The following GATA5 variants were observed in gnomAD, a reference collection of about 807,000 sequenced individuals.
GATA5 encodes transcription factor GATA-5.
GATA5 carries 27 observed loss-of-function variants against 35.0 expected under a neutral mutation model. The ratio of observed to expected loss-of-function variants is 0.77; its 90% CI spans 0.57 to 1.06. The LOEUF (loss-of-function observed/expected upper bound fraction) is 1.06, where lower values mean the gene tolerates loss of function less well. Among genes scored for constraint, GATA5 ranks in the 50% least tolerant of loss-of-function variants. The pLI is 0.00. For synonymous variants in GATA5, 306 were observed against 267.8 expected, an observed-to-expected ratio of 1.14 and a Z score of -1.39; for missense variants, 612 against 580.0, an observed-to-expected ratio of 1.06 and a Z score of -0.57.
chr20:62,474,385 C>A (rs1989800378), intron 2 of GATA5, among the ~76,000 whole-genome samples: 1 of 152,246 alleles, frequency 6.6e-6, no homozygotes, highest in South Asian at 2.1e-4. Context: ...CCGCTGCGCC[C>A]GCTTCCTGCG....
chr20:62,470,696 G>C lies in GATA5; in HGVS notation c.699+2707C>G, dbSNP rs782008677. On this transcript the variant is annotated intron_variant, in intron 3 of 6. Transcript: ENST00000252997. The surrounding 1 kb of genome is among the most constrained non-coding windows in gnomAD (Gnocchi z 4.6). ...CTCAGGGCTAGGAGGTCTGCTGTCC[G>C]CACTGCCCTTGGCTGCCGGGCCCCA... Among the ~76,000 whole-genome samples, 2 of 152,166 alleles carry C rather than the reference G, an allele frequency of 1.3e-5. No individual in the cohort carries two copies. The highest frequency in any genetic ancestry group is 2.9e-5 in the Non-Finnish European group (2 of 68,032).
intron 3 of GATA5, 130 bp downstream of exon 3, chr20:62,473,273 G>T: frequency 1.0e-6 from 1 of 997,806 alleles, no homozygotes; most frequent in Non-Finnish European, 1.5e-6. Context: ...ACCGGGGCGG[G>T]CACCCAGGCT....
intron 3 of GATA5, among the ~76,000 whole-genome samples, chr20:62,467,073 C>T (rs1030888321): frequency 2.0e-5 from 3 of 152,344 alleles, no homozygotes; most frequent in East Asian, 1.9e-4. Context: ...CTGTGCACTG[C>T]GCCTGGTGGT....
intron 2 of GATA5, 72 bp from the exon 3 acceptor site, chr20:62,473,650 C>T: frequency 7.0e-7 from 1 of 1,433,612 alleles, no homozygotes; most frequent in Non-Finnish European, 9.4e-7. Flanking sequence ...TGGGCCGGCA[C>T]CCTCCCCTCC....
At position 62,475,347 on chromosome 20, in the gene GATA5, C is replaced by T; in HGVS notation, c.175G>A (p.Ala59Thr). 8.0e-7 allele frequency: 1 copy of T among 1,255,674 alleles called. No homozygotes were observed. Among genetic ancestry groups the T allele is most frequent in the Non-Finnish European group, 1.0e-6 (1 of 999,160 alleles). The allele number at this position is 1,255,674 out of a possible 1,614,324, so 77.8% of individuals were successfully genotyped here. A position where few individuals can be genotyped will look rare whatever the true frequency, so the allele number is the denominator to read the frequency against. Residue 59 changes from alanine (A) to threonine (T), a missense_variant, in exon 2 of 7, where the codon GCT (alanine) becomes ACT (threonine). By Grantham distance (58) the Ala-to-Thr change is moderately conservative. Coordinates refer to ENST00000252997, the MANE Select transcript of GATA5 (RefSeq NM_080473.5). ...GTCTGCGCCCAGCCGGGGCGCGCAG[C>T]GAGCTCGGGGGGCTGCGGGCTCGGC... ...CEPSPQPPEL[A>T]ARPGWAQTAT...
chr20:62,468,906 C>A (rs1555896328), intron 3 of GATA5, among the ~76,000 whole-genome samples: 1 of 152,244 alleles, frequency 6.6e-6, no homozygotes, highest in Admixed American at 6.5e-5. Flanking sequence ...TCACCCAGGG[C>A]CCCCAGATGG....
chr20:62,465,398 G>C lies in GATA5; in HGVS notation c.980C>G (p.Ser327Trp). Residue 327 changes from serine (S) to tryptophan (W), a missense_variant, in exon 6 of 7, where the codon TCG becomes TGG. Ser to Trp is a radical substitution (Grantham distance 177, BLOSUM62 -3). Transcript: ENST00000252997. ...GGACGCCAGGCTGGGCTTGGCTTTC[G>C]AAGTGGCTGCTGAGCTGTCAGTGCT... ...VASTDSSAAT[S>W]KAKPSLASPV... 1 of 1,607,472 alleles carries C rather than the reference G, an allele frequency of 6.2e-7. No homozygotes were observed. Among genetic ancestry groups the C allele is most frequent in the South Asian group, 1.1e-5 (1 of 91,044 alleles).
rs1989820122 is a variant in GATA5 at position 62,475,087 on chromosome 20, G to A, written c.435C>T (p.Tyr145=). 1.4e-6 allele frequency: 2 copies of A among 1,404,858 alleles called. No homozygotes were observed. The highest frequency in any genetic ancestry group is 1.9e-6 in the Non-Finnish European group (2 of 1,075,436). The allele number at this position is 1,404,858 out of a possible 1,614,324, so 87.0% of individuals were successfully genotyped here. The stretch of plus-strand genomic sequence containing the variant: ...AGGACTGGGCCACGTCGGGGCTCAC[G>A]TAGGCCGGGTAGGTGGCGGAGTACG... The part of the protein sequence containing the change: ...GTSYSATYPA[Y]VSPDVAQSWT... The change falls in exon 2 of 7, where the codon TAC becomes TAT. Residue 145 remains tyrosine (Y), a synonymous_variant. Coordinates refer to ENST00000252997, the MANE Select transcript of GATA5 (RefSeq NM_080473.5).
chr20:62,470,329 T>A lies in GATA5; in HGVS notation c.699+3074A>T, dbSNP rs1989692577. 6.6e-6 allele frequency among the ~76,000 whole-genome samples: 1 copy of A among 152,174 alleles called. No homozygotes were observed. Among genetic ancestry groups the A allele is most frequent in the Non-Finnish European group, 1.5e-5 (1 of 68,026 alleles). On this transcript the variant is annotated intron_variant, in intron 3 of 6. Transcript: ENST00000252997. The surrounding 1 kb of genome is among the most constrained non-coding windows in gnomAD (Gnocchi z 4.6). The stretch of plus-strand genomic sequence containing the variant: ...CACAGTGACCCGCAGTGCAGCAGCC[T>A]CCTCTGAGATGGAAGACTGGGCCGT...
chr20:62,468,495 C>T (rs1989647745), intron 3 of GATA5, among the ~76,000 whole-genome samples: 1 of 152,256 alleles, frequency 6.6e-6, no homozygotes, highest in South Asian at 2.1e-4. Context: ...CTCAAGGCCC[C>T]CTCAACCCCC....
rs1989685343 is a variant in GATA5 at position 62,470,024 on chromosome 20, C to A, written c.699+3379G>T. On this transcript the variant is annotated intron_variant, in intron 3 of 6. Coordinates refer to ENST00000252997, the MANE Select transcript of GATA5 (RefSeq NM_080473.5). This position sits in a 1 kb window ranked among gnomAD's most constrained non-coding sequence, Gnocchi z 4.6. ...AGCCTGGCCACACTCAGCACCCTGC[C>A]CCCCAGGCCTCTCTCCCGGCTGCAT... Among the ~76,000 whole-genome samples the A allele has an allele frequency of 6.6e-6, 1 of 152,246 alleles. No individual in the cohort carries two copies. The highest frequency in any genetic ancestry group is 1.5e-5 in the Non-Finnish European group (1 of 68,046).
At position 62,475,196 on chromosome 20, in the gene GATA5, C is replaced by T; in HGVS notation, c.326G>A (p.Gly109Glu). Residue 109 changes from glycine to glutamate, a missense_variant, in exon 2 of 7, where the codon GGG becomes GAG. Coordinates refer to ENST00000252997, the MANE Select transcript of GATA5 (RefSeq NM_080473.5). ...CTGGTAGGCACTGCCGTCTCGGCCC[C>T]CCGCGCTGCCGCCGCTGCCGGGCCC... ...PSGPGSGGSA[G>E]GRDGSAYQGA... 2 of 1,261,740 alleles carry T rather than the reference C, an allele frequency of 1.6e-6. No individual in the cohort carries two copies. Among genetic ancestry groups the T allele is most frequent in the Non-Finnish European group, 2.0e-6 (2 of 1,001,622 alleles). 78.2% of individuals were successfully genotyped at this position (1,261,740 alleles called of 1,614,324 possible). A position where few individuals can be genotyped will look rare whatever the true frequency, so the allele number is the denominator to read the frequency against.
rs1473182156 is a variant in GATA5 at position 62,465,445 on chromosome 20, C to T, written c.933G>A (p.Ser311=). 1.9e-5 allele frequency: 31 copies of T among 1,608,532 alleles called. No homozygotes were observed. The highest frequency in any genetic ancestry group is 2.4e-5 in the Non-Finnish European group (28 of 1,179,618). The change falls in exon 6 of 7, where the codon TCG becomes TCA. Residue 311 remains serine, a synonymous_variant. Coordinates refer to ENST00000252997, the MANE Select transcript of GATA5 (RefSeq NM_080473.5). ...TGCTGGCGACAGCAGATGGGGAGGC[C>T]GAGGCATTCCTTGTGGATCCTGGAA... The part of the protein sequence containing the change: ...RGSSGSTRNA[S]ASPSAVASTD...
At chr20:62,474,210 G>C (rs1555896874) in intron 2 of GATA5, among the ~76,000 whole-genome samples, 1 of 152,222 alleles carries the variant, frequency 6.6e-6, no homozygotes, top group Non-Finnish European at 1.5e-5. Context: ...CTGTGCGGCT[G>C]GGGGTGGAGG....
At chr20:62,471,417 T>G (rs1366785147) in intron 3 of GATA5, among the ~76,000 whole-genome samples, 1 of 149,252 alleles carries the variant, frequency 6.7e-6, no homozygotes, top group African/African-American at 2.5e-5. Flanking sequence ...TAAAGAGAAG[T>G]TAATTTCAAT....
intron 3 of GATA5, among the ~76,000 whole-genome samples, chr20:62,468,356 C>T (rs1555896282): frequency 1.3e-5 from 2 of 152,390 alleles, no homozygotes; most frequent in East Asian, 3.8e-4. Flanking sequence ...AGATGAGGGC[C>T]GGCCTTGCTG....
rs781869793 is a variant in GATA5 at position 62,475,392 on chromosome 20, A to G, written c.130T>C (p.Ser44Pro). The G allele has an allele frequency of 5.9e-5, 80 of 1,350,502 alleles. No individual in the cohort carries two copies. The highest frequency in any genetic ancestry group is 7.5e-5 in the Non-Finnish European group (79 of 1,050,622). 83.7% of individuals were successfully genotyped at this position (1,350,502 alleles called of 1,614,324 possible). Residue 44 changes from serine to proline, a missense_variant, in exon 2 of 7, where the codon TCC becomes CCC. Physicochemically the swap from Ser to Pro is moderately conservative, Grantham distance 74 (BLOSUM62 -1). Coordinates refer to ENST00000252997, the MANE Select transcript of GATA5 (RefSeq NM_080473.5). ...VPPARVPSML[S>P]YLSGCEPSPQ... Reference sequence around the variant, plus strand: ...CTCGGCTCACACCCGGACAGGTAGGACAGCATCGAGGGGACGCGCGCCGGC... The same window carrying G: ...CTCGGCTCACACCCGGACAGGTAGGGCAGCATCGAGGGGACGCGCGCCGGC...
Position 62,466,547 on chromosome 20 carries a change from G to T in GATA5, c.704C>A (p.Ser235Ter). Reference protein sequence around the residue: ...PLVRPQKRLSSSRRAGLCCTN... With the variant: ...PLVRPQKRLS ...GCAGCAGAGGCCGGCGCGGCGGGAC[G>T]AGGACTGTGGGGGCGAGGGAGACTG... Residue 235 changes from serine (S) to a stop codon, truncating the protein, a stop_gained, in exon 4 of 7, where the codon TCG becomes TAG. Coordinates refer to ENST00000252997, the MANE Select transcript of GATA5 (RefSeq NM_080473.5). LOFTEE classifies it high-confidence loss of function. The T allele has an allele frequency of 6.4e-7, 1 of 1,550,428 alleles. No individual in the cohort carries two copies.
intron 5 of GATA5, 83 bp downstream of exon 5, chr20:62,465,751 C>T: frequency 8.9e-7 from 1 of 1,121,672 alleles, no homozygotes; most frequent in Non-Finnish European, 1.3e-6. Context: ...TTGAACCAAA[C>T]ACACAGGTCT....
Sources: gnomAD v4.1 joint callset for allele counts (sites outside exome capture counted in the v4.1 genomes callset) on GRCh38, gnomAD v4.1.1 for gene constraint, Gnocchi (gnomAD v3.1) non-coding constraint, MANE v1.5 for transcripts, NCBI Gene and HGNC (gene_info 2026-07-23, HGNC 2026-07-21) for gene names.